Variants in CSNK1G1 observed in about 807,000 individuals in gnomAD.
CSNK1G1 encodes casein kinase I isoform gamma-1.
In CSNK1G1, 22 loss-of-function variants were observed where a neutral mutation model predicts 59.6. That is an observed-to-expected ratio of 0.37 (90% confidence interval 0.26 to 0.53). The LOEUF (loss-of-function observed/expected upper bound fraction) is 0.53, where lower values mean the gene tolerates loss of function less well. Ranked by LOEUF, CSNK1G1 falls within the 20% of genes least tolerant of loss-of-function variation. CSNK1G1 has a pLI of 0.89. For synonymous variants in CSNK1G1, 179 were observed against 177.1 expected, an observed-to-expected ratio of 1.01 and a Z score of -0.08; for missense variants, 384 against 519.5, an observed-to-expected ratio of 0.74 and a Z score of 2.54.
At chr15:64,254,500 C>T (rs1328773558) in intron 3 of CSNK1G1, among the ~76,000 whole-genome samples, 1 of 151,774 alleles carries the variant, frequency 6.6e-6, no homozygotes, top group Non-Finnish European at 1.5e-5. Context: ...TACAGGTATG[C>T]ACCACCACAC....
chr15:64,348,267 C>A (rs1225977552), intron 1 of CSNK1G1: 1 of 152,106 alleles, frequency 6.6e-6, no homozygotes, highest in African/African-American at 2.4e-5. Flanking sequence ...TTTGTCAAAA[C>A]CCACAGAATG....
At chr15:64,322,127 A>G (rs1052122318) in intron 1 of CSNK1G1, among the ~76,000 whole-genome samples, 3 of 152,036 alleles carry the variant, frequency 2.0e-5, no homozygotes, top group Admixed American at 6.6e-5. Context: ...TCTGAAATCA[A>G]TATTCTGTAA....
At chr15:64,289,957 A>C (rs2140383095) in intron 2 of CSNK1G1, among the ~76,000 whole-genome samples, 1 of 152,308 alleles carries the variant, frequency 6.6e-6, no homozygotes, top group Non-Finnish European at 1.5e-5. Context: ...ATATAATTTT[A>C]TACCAGTCAG....
At chr15:64,237,548 T>G (rs2082632606) in intron 4 of CSNK1G1, among the ~76,000 whole-genome samples, 1 of 152,112 alleles carries the variant, frequency 6.6e-6, no homozygotes, top group Non-Finnish European at 1.5e-5. Flanking sequence ...GTTAAAAGAG[T>G]CCTCTTTAAG....
chr15:64,219,649 G>C (rs137924223), intron 4 of CSNK1G1, among the ~76,000 whole-genome samples: 1 of 151,894 alleles, frequency 6.6e-6, no homozygotes, highest in Non-Finnish European at 1.5e-5. Flanking sequence ...TTCCAGAGAT[G>C]AGCTCCCACT....
chr15:64,327,024 C>T (rs1479043423), intron 1 of CSNK1G1, among the ~76,000 whole-genome samples: 1 of 150,772 alleles, frequency 6.6e-6, no homozygotes, highest in Non-Finnish European at 1.5e-5. Flanking sequence ...GAGGGTCCTA[C>T]GCCCACGGAA....
At chr15:64,336,665 T>A (rs1170540163) in intron 1 of CSNK1G1, among the ~76,000 whole-genome samples, 1 of 152,108 alleles carries the variant, frequency 6.6e-6, no homozygotes, top group South Asian at 2.1e-4. Context: ...GACATAGATA[T>A]AACAAACTAG....
chr15:64,281,403 C>T (rs1427481672), intron 2 of CSNK1G1, among the ~76,000 whole-genome samples: 2 of 151,816 alleles, frequency 1.3e-5, no homozygotes, highest in African/African-American at 4.8e-5. Flanking sequence ...CCCAGGAGTT[C>T]CAGACCAGTC....
chr15:64,317,545 T>TA (rs397800752), intron 1 of CSNK1G1, among the ~76,000 whole-genome samples: 2 of 151,706 alleles, frequency 1.3e-5, no homozygotes, highest in Non-Finnish European at 2.9e-5. Flanking sequence ...TTTTTTTTTT[T>TA]AATGTGGTGA....
intron 10 of CSNK1G1, among the ~76,000 whole-genome samples, chr15:64,192,342 C>A (rs147448086): frequency 6.6e-6 from 1 of 152,066 alleles, no homozygotes; most frequent in Non-Finnish European, 1.5e-5. Flanking sequence ...CTTGGGGGAA[C>A]GCTTTAAAAT....
chr15:64,354,959 T>C (rs1386155447), intron 1 of CSNK1G1, among the ~76,000 whole-genome samples: 2 of 152,212 alleles, frequency 1.3e-5, no homozygotes, highest in South Asian at 4.1e-4. Context: ...ATTCATTCTC[T>C]CTCTGAAAAT....
At chr15:64,178,844 A>G (rs2081773513) in intron 11 of CSNK1G1, among the ~76,000 whole-genome samples, 1 of 151,988 alleles carries the variant, frequency 6.6e-6, no homozygotes, top group East Asian at 1.9e-4. Context: ...GTACAGTGAC[A>G]TGACCATAGC....
At chr15:64,174,217 A>G (rs529515464) in intron 11 of CSNK1G1, among the ~76,000 whole-genome samples, 1 of 152,368 alleles carries the variant, frequency 6.6e-6, no homozygotes, top group East Asian at 1.9e-4. Flanking sequence ...AAGGCAAGCC[A>G]TAAGAATTAA....
intron 2 of CSNK1G1, among the ~76,000 whole-genome samples, chr15:64,264,533 G>C (rs1020521212): frequency 6.6e-6 from 1 of 152,152 alleles, no homozygotes; most frequent in Non-Finnish European, 1.5e-5. Context: ...TCTGAGTCCA[G>C]CATTACACTG....
At chr15:64,201,029 T>C (rs1469720337) in intron 10 of CSNK1G1, among the ~76,000 whole-genome samples, 1 of 152,106 alleles carries the variant, frequency 6.6e-6, no homozygotes, top group Non-Finnish European at 1.5e-5. Context: ...CCCAGTACTT[T>C]GGGAGGCCGA....
Position 64,166,281 on chromosome 15 carries a change from C to A in CSNK1G1, c.*5650G>T. On this transcript the variant is annotated 3_prime_UTR_variant, in exon 12 of 12. Transcript: ENST00000303052. This position sits in a 1 kb window ranked among gnomAD's most constrained non-coding sequence, Gnocchi z 4.5. ...ATATAATAAATTAGAGCATGTAATACATCCTATGGGAATTGCTGAATCAAC... is the reference window on the plus strand; with the variant it reads ...ATATAATAAATTAGAGCATGTAATAAATCCTATGGGAATTGCTGAATCAAC... 2.8e-6 allele frequency: 1 copy of A among 356,356 alleles called. No individual in the cohort carries two copies. The highest frequency in any genetic ancestry group is 5.0e-6 in the Non-Finnish European group (1 of 200,506). The allele number at this position is 356,356 out of a possible 1,614,324, so 22.1% of individuals were successfully genotyped here.
intron 1 of CSNK1G1, among the ~76,000 whole-genome samples, chr15:64,318,322 A>G (rs1896382003): frequency 6.6e-6 from 1 of 152,088 alleles, no homozygotes; most frequent in African/African-American, 2.4e-5. Flanking sequence ...AAATAGCTGC[A>G]AATGATTTTC....
chr15:64,196,303 C>A (rs1024673735), intron 10 of CSNK1G1, among the ~76,000 whole-genome samples: 5 of 152,046 alleles, frequency 3.3e-5, no homozygotes, highest in African/African-American at 7.2e-5. Flanking sequence ...CCTTTAGGAA[C>A]CATATTTGGG....
intron 4 of CSNK1G1, among the ~76,000 whole-genome samples, chr15:64,238,928 C>G (rs2082657660): frequency 6.6e-6 from 1 of 152,092 alleles, no homozygotes; most frequent in Admixed American, 6.5e-5. Context: ...AAAATGAGAA[C>G]AGGAGGACCC....
Sources: allele counts gnomAD v4.1 joint callset (sites outside exome capture counted in the v4.1 genomes callset), GRCh38; gene constraint gnomAD v4.1.1; non-coding constraint Gnocchi (gnomAD v3.1); transcripts MANE v1.5; gene names NCBI Gene and HGNC (gene_info 2026-07-23, HGNC 2026-07-21).